Variants in NKAIN2 observed in about 807,000 individuals in gnomAD.
NKAIN2 encodes sodium/potassium-transporting ATPase subunit beta-1-interacting protein 2.
In NKAIN2, 14 loss-of-function variants were observed where a neutral mutation model predicts 32.6. That is an observed-to-expected ratio of 0.43 (90% confidence interval 0.28 to 0.67). NKAIN2 has a LOEUF of 0.67. Among genes scored for constraint, NKAIN2 ranks in the 30% least tolerant of loss-of-function variants. The pLI is 0.17. For synonymous variants in NKAIN2, 80 were observed against 87.2 expected, an observed-to-expected ratio of 0.92 and a Z score of 0.46; for missense variants, 198 against 258.3, an observed-to-expected ratio of 0.77 and a Z score of 1.60.
intron 1 of NKAIN2, among the ~76,000 whole-genome samples, chr6:124,104,224 AC>A (rs1785017046): frequency 1.3e-5 from 2 of 152,206 alleles, no homozygotes; most frequent in African/African-American, 4.8e-5. Context: ...CAAATTTATA[AC>A]CTTTTTTGTC....
At chr6:123,955,970 A>G (rs1283683549) in intron 1 of NKAIN2, among the ~76,000 whole-genome samples, 1 of 152,130 alleles carries the variant, frequency 6.6e-6, no homozygotes, top group Non-Finnish European at 1.5e-5. Flanking sequence ...TCATTCTTAA[A>G]CTTTATGTAA....
chr6:124,610,116 T>A (rs191631951), intron 3 of NKAIN2, among the ~76,000 whole-genome samples: 3 of 152,308 alleles, frequency 2.0e-5, no homozygotes, highest in Non-Finnish European at 4.4e-5. Flanking sequence ...GCACCTACTC[T>A]GTAAAACATT....
At chr6:124,709,837 C>T in intron 4 of NKAIN2, among the ~76,000 whole-genome samples, 1 of 151,062 alleles carries the variant, frequency 6.6e-6, no homozygotes, top group East Asian at 1.9e-4. Flanking sequence ...TCCTTCAGTT[C>T]TGCTCTGATT....
chr6:124,164,456 C>T (rs1243110475), intron 1 of NKAIN2, among the ~76,000 whole-genome samples: 1 of 151,914 alleles, frequency 6.6e-6, no homozygotes, highest in East Asian at 1.9e-4. Context: ...GATATCACAT[C>T]GTTGAGAAGC....
At chr6:123,908,713 T>C (rs934729149) in intron 1 of NKAIN2, among the ~76,000 whole-genome samples, 4 of 152,244 alleles carry the variant, frequency 2.6e-5, no homozygotes, top group Non-Finnish European at 5.9e-5. Flanking sequence ...ATCTGACTCA[T>C]GTAGTTGAAT....
intron 2 of NKAIN2, among the ~76,000 whole-genome samples, chr6:124,353,563 G>A (rs1798828527): frequency 6.6e-6 from 1 of 152,066 alleles, no homozygotes; most frequent in Non-Finnish European, 1.5e-5. Flanking sequence ...GACCATCCTG[G>A]CTAACACGGT....
intron 5 of NKAIN2, among the ~76,000 whole-genome samples, chr6:124,818,075 TG>T (rs1395405442): frequency 5.3e-5 from 8 of 152,206 alleles, no homozygotes; most frequent in African/African-American, 1.9e-4. Context: ...GCATCTCTAT[TG>T]TGTAGATGAA....
intron 2 of NKAIN2, among the ~76,000 whole-genome samples, chr6:124,340,172 A>T (rs1181919048): frequency 6.6e-6 from 1 of 152,166 alleles, no homozygotes; most frequent in East Asian, 1.9e-4. Context: ...GCCACTTCTA[A>T]AAACAAGTAG....
chr6:124,088,612 G>A (rs75902556), intron 1 of NKAIN2, among the ~76,000 whole-genome samples: 2,948 of 152,044 alleles, frequency 0.019, 87 homozygotes, highest in African/African-American at 0.064. Context: ...GCTTTCTGTG[G>A]CAAGTAATGG....
chr6:124,154,100 G>T (rs1787865027), intron 1 of NKAIN2, among the ~76,000 whole-genome samples: 1 of 151,600 alleles, frequency 6.6e-6, no homozygotes, highest in Non-Finnish European at 1.5e-5. Flanking sequence ...TTTGTAAATT[G>T]TATTGACACG....
intron 1 of NKAIN2, among the ~76,000 whole-genome samples, chr6:124,149,552 T>C (rs1787590967): frequency 6.6e-6 from 1 of 152,338 alleles, no homozygotes; most frequent in Non-Finnish European, 1.5e-5. Context: ...TCTGTCCCCA[T>C]TGGATTATAG....
rs567932268 is a variant in NKAIN2 at position 124,352,298 on chromosome 6, A to G, written c.193-2969A>G. Among the ~76,000 whole-genome samples, 172 of 152,334 alleles carry G rather than the reference A, an allele frequency of 1.1e-3. 1 individual carries two copies. Among genetic ancestry groups the G allele is most frequent in the African/African-American group, 4.1e-3 (170 of 41,586 alleles). On this transcript the variant is annotated intron_variant, in intron 2 of 6. Coordinates refer to ENST00000368417, the MANE Select transcript of NKAIN2 (RefSeq NM_001040214.3). ...CTTGATTTTTAACCAAACTAGGTAT[A>G]ATTTACATTTATACATACACATAAA...
chr6:124,319,189 G>A (rs55702385), intron 2 of NKAIN2, among the ~76,000 whole-genome samples: 2,676 of 152,170 alleles, frequency 0.018, 74 homozygotes, highest in African/African-American at 0.061. Flanking sequence ...GAGAATTTAT[G>A]TGACTTGCTG....
chr6:124,526,617 G>A (rs917954363), intron 3 of NKAIN2, among the ~76,000 whole-genome samples: 18 of 152,234 alleles, frequency 1.2e-4, no homozygotes, highest in African/African-American at 3.9e-4. Flanking sequence ...GAACTGTAAA[G>A]AAAGAAAATG....
At chr6:124,625,700 CT>C in intron 3 of NKAIN2, among the ~76,000 whole-genome samples, 1 of 122,846 alleles carries the variant, frequency 8.1e-6, no homozygotes, top group Admixed American at 8.4e-5. Context: ...GCTGAAGATG[CT>C]TTATTTATTT....
chr6:124,232,917 T>C (rs761871978), intron 1 of NKAIN2, among the ~76,000 whole-genome samples: 23 of 152,192 alleles, frequency 1.5e-4, no homozygotes, highest in Non-Finnish European at 2.4e-4. Context: ...TGAAAACTTA[T>C]GTTATTCGGT....
At chr6:124,222,886 A>T (rs566577320) in intron 1 of NKAIN2, among the ~76,000 whole-genome samples, 12 of 152,290 alleles carry the variant, frequency 7.9e-5, no homozygotes, top group Non-Finnish European at 1.5e-4. Context: ...ATCCTAATTC[A>T]TACTGTAAGT....
intron 1 of NKAIN2, among the ~76,000 whole-genome samples, chr6:124,245,317 G>T (rs1230595029): frequency 6.6e-6 from 1 of 152,084 alleles, no homozygotes; most frequent in Non-Finnish European, 1.5e-5. Context: ...GCAGCTTAGT[G>T]AATATTTAAA....
At chr6:124,340,008 A>AT (rs1372288975) in intron 2 of NKAIN2, among the ~76,000 whole-genome samples, 1 of 152,100 alleles carries the variant, frequency 6.6e-6, no homozygotes, top group African/African-American at 2.4e-5. Context: ...ATTTTATTTT[A>AT]TTTTTTAGTG....
Sources: allele counts gnomAD v4.1 joint callset (sites outside exome capture counted in the v4.1 genomes callset), GRCh38; gene constraint gnomAD v4.1.1; transcripts MANE v1.5; gene names NCBI Gene and HGNC (gene_info 2026-07-23, HGNC 2026-07-21).